The following TENM2 variants were observed in gnomAD, a reference collection of about 807,000 sequenced individuals.
TENM2 encodes teneurin-2.
Under a neutral mutation model 245.2 loss-of-function variants are expected in TENM2, and 52 were observed. The observed-to-expected ratio is 0.21, with a 90% CI of 0.17 to 0.27. The LOEUF (loss-of-function observed/expected upper bound fraction) is 0.27. TENM2 is among the 10% of genes least tolerant of loss of function. The pLI is 1.00. For missense variants in TENM2, 3,046 were observed against 3,666.8 expected (o/e 0.83, Z 4.37); for synonymous variants, 1,363 against 1,438.9 (o/e 0.95, Z 1.19).
the TENM2 span, among the ~76,000 whole-genome samples, chr5:167,156,472 A>G: frequency 5.1e-4 from 77 of 152,146 alleles, no homozygotes; most frequent in East Asian, 0.014. Context: ...AATGGGAATG[A>G]CCCCTTAAAG....
chr5:167,103,902 G>GCA, the TENM2 span, among the ~76,000 whole-genome samples: 3 of 150,904 alleles, frequency 2.0e-5, no homozygotes, highest in East Asian at 3.9e-4. Flanking sequence ...ACACGCATGC[G>GCA]CACACACACA....
chr5:168,006,380 G>A (rs1784820878), intron 5 of TENM2, among the ~76,000 whole-genome samples: 1 of 152,140 alleles, frequency 6.6e-6, no homozygotes, highest in Non-Finnish European at 1.5e-5. Flanking sequence ...TTGACTGAAG[G>A]TTTTCCACAT....
At chr5:167,856,414 G>A (rs1217370750) in intron 2 of TENM2, among the ~76,000 whole-genome samples, 2 of 152,148 alleles carry the variant, frequency 1.3e-5, no homozygotes, top group Non-Finnish European at 2.9e-5. Flanking sequence ...CCATCAAGCA[G>A]GAATGTTGAA....
the TENM2 span, among the ~76,000 whole-genome samples, chr5:167,096,776 G>A: frequency 6.6e-6 from 1 of 152,162 alleles, no homozygotes; most frequent in Admixed American, 6.5e-5. Context: ...GAGTGATGTG[G>A]AGAAAATAAT....
Position 167,985,056 on chromosome 5 carries a change from AC to A in TENM2, c.948-7885del, listed in dbSNP as rs1231387725. On this transcript the variant is annotated intron_variant, in intron 4 of 28. Transcript: ENST00000518659. ...TTACAGTAACTTTACATGCTACAGT[AC>A]CCTTTATGGGCTGCCTCTTTATTAA... is the stretch of plus-strand genomic sequence containing the variant. Among the ~76,000 whole-genome samples, 5 of 152,212 alleles carry A rather than the reference AC, an allele frequency of 3.3e-5. No individual in the cohort carries two copies. The South Asian group carries it at 1.0e-3, about 31-fold the overall frequency.
At chr5:168,172,130 C>G (rs1758892628) in intron 13 of TENM2, among the ~76,000 whole-genome samples, 1 of 152,184 alleles carries the variant, frequency 6.6e-6, no homozygotes, top group Non-Finnish European at 1.5e-5. Context: ...GGAGGTGCTA[C>G]TGGCATCCAG....
At chr5:167,082,765 A>G in the TENM2 span, among the ~76,000 whole-genome samples, 2 of 152,160 alleles carry the variant, frequency 1.3e-5, no homozygotes, top group South Asian at 4.1e-4. Flanking sequence ...CTAGTTTGAA[A>G]TTAGGAGCTT....
At chr5:167,917,291 C>T (rs1357495297) in intron 3 of TENM2, among the ~76,000 whole-genome samples, 1 of 151,804 alleles carries the variant, frequency 6.6e-6, no homozygotes, top group Non-Finnish European at 1.5e-5. Context: ...CCCTCAGAAG[C>T]CGAGCAAAAA....
chr5:167,871,256 T>C (rs1772801889), intron 2 of TENM2, among the ~76,000 whole-genome samples: 2 of 152,142 alleles, frequency 1.3e-5, no homozygotes, highest in Admixed American at 6.5e-5. Context: ...TGTGATCTGC[T>C]ACCTCTCCCC....
intron 2 of TENM2, among the ~76,000 whole-genome samples, chr5:167,687,042 A>AC (rs1250780536): frequency 6.6e-6 from 1 of 152,150 alleles, no homozygotes; most frequent in Non-Finnish European, 1.5e-5. Flanking sequence ...CTTGTAATTA[A>AC]CAAAAGGGAA....
chr5:167,640,860 CATATATATATATAT>C (rs58985992), intron 2 of TENM2, among the ~76,000 whole-genome samples: 562 of 47,388 alleles, frequency 0.012, 7 homozygotes, highest in Middle Eastern at 0.048. Flanking sequence ...TATATATATC[CATATATATATATAT>C]ATATATATAT....
the TENM2 span, among the ~76,000 whole-genome samples, chr5:167,167,108 A>G: frequency 1.3e-5 from 2 of 152,324 alleles, no homozygotes; most frequent in East Asian, 1.9e-4. Flanking sequence ...CTAGGGAGGT[A>G]GAATGACAAT....
intron 17 of TENM2, among the ~76,000 whole-genome samples, chr5:168,200,339 C>T (rs537653833): frequency 6.6e-6 from 1 of 152,136 alleles, no homozygotes; most frequent in Non-Finnish European, 1.5e-5. Context: ...AAAGAAATAT[C>T]AAGCAAGATA....
At chr5:167,526,724 CA>C (rs1398641270) in intron 2 of TENM2, among the ~76,000 whole-genome samples, 3 of 152,068 alleles carry the variant, frequency 2.0e-5, no homozygotes, top group African/African-American at 7.2e-5. Context: ...AATTCCTATT[CA>C]ATGGCTAATT....
At position 167,952,574 on chromosome 5, in the gene TENM2, C is replaced by T; in HGVS notation, c.713-14C>T. ...TTTGCAGACGCTAACAGTCATTTCT[C>T]CTTTTTTTTTCAGGCCCTCCGAACC... On this transcript the variant is annotated splice_polypyrimidine_tract_variant and intron_variant, in intron 3 of 28. Transcript: ENST00000518659. 6.3e-7 allele frequency: 1 copy of T among 1,593,548 alleles called. No individual in the cohort carries two copies. The highest frequency in any genetic ancestry group is 8.6e-7 in the Non-Finnish European group (1 of 1,169,164).
At chr5:168,065,442 A>G (rs1312187795) in intron 7 of TENM2, among the ~76,000 whole-genome samples, 5 of 152,138 alleles carry the variant, frequency 3.3e-5, no homozygotes, top group African/African-American at 1.2e-4. Context: ...TTTTCTACCT[A>G]TGTAACCTGC....
chr5:167,172,612 T>C, the TENM2 span, among the ~76,000 whole-genome samples: 11 of 150,834 alleles, frequency 7.3e-5, no homozygotes, highest in Admixed American at 7.3e-4. Flanking sequence ...TCTTTTTCTT[T>C]CTCATTTTCA....
chr5:167,936,256 C>T (rs1778704866), intron 3 of TENM2, among the ~76,000 whole-genome samples: 1 of 152,202 alleles, frequency 6.6e-6, no homozygotes, highest in Non-Finnish European at 1.5e-5. Context: ...AGTAGAGAAG[C>T]CGACAGCTTT....
intron 2 of TENM2, among the ~76,000 whole-genome samples, chr5:167,528,446 T>C (rs182007847): frequency 6.6e-6 from 1 of 152,236 alleles, no homozygotes; most frequent in East Asian, 1.9e-4. Context: ...TAGCTTAATG[T>C]CTCAATCTGC....
Sources: gnomAD v4.1 joint callset for allele counts (sites outside exome capture counted in the v4.1 genomes callset) on GRCh38, gnomAD v4.1.1 for gene constraint, MANE v1.5 for transcripts, NCBI Gene and HGNC (gene_info 2026-07-23, HGNC 2026-07-21) for gene names.